GRPR: variants seen among roughly 807,000 people sequenced by gnomAD.
GRPR encodes gastrin-releasing peptide receptor.
Under a neutral mutation model 15.6 loss-of-function variants are expected in GRPR, and 4 were observed. The observed-to-expected ratio is 0.26, with a 90% CI of 0.13 to 0.59. The LOEUF is 0.59. Among genes scored for constraint, GRPR ranks in the 20% least tolerant of loss-of-function variants. The pLI is 0.90. For missense variants in GRPR, 270 were observed against 304.1 expected, an observed-to-expected ratio of 0.89 and a Z score of 0.83; for synonymous variants, 128 against 126.8, an observed-to-expected ratio of 1.01 and a Z score of -0.06.
rs1922720311 is a variant in GRPR at position 16,152,267 on chromosome X, G to C, written c.777G>C (p.Arg259=). 4 of 1,207,605 alleles carry C rather than the reference G, an allele frequency of 3.3e-6. No homozygotes were observed. Among genetic ancestry groups the C allele is most frequent in the Non-Finnish European group, 4.5e-6 (4 of 892,230 alleles). The change falls in exon 3 of 3, where the codon CGG becomes CGC. Residue 259 remains arginine, a synonymous_variant. Coordinates refer to ENST00000380289, the MANE Select transcript of GRPR (RefSeq NM_005314.3). ...GATTCTCTCCTTAGATTGAATCCCG[G>C]AAGCGACTTGCCAAGACAGTGCTGG... ...NIHVKKQIES[R]KRLAKTVLVF... is the part of the protein sequence containing the mutation.
intron 1 of GRPR, among the ~76,000 whole-genome samples, chrX:16,145,517 G>A (rs780635756): frequency 4.5e-5 from 5 of 111,954 alleles, no homozygotes; most frequent in Non-Finnish European, 5.7e-5. Flanking sequence ...GGGATAGGCG[G>A]GAGGCAGTGG....
At chrX:16,126,668 A>G (rs1247717714) in intron 1 of GRPR, among the ~76,000 whole-genome samples, 1 of 112,226 alleles carries the variant, frequency 8.9e-6, no homozygotes, top group African/African-American at 3.2e-5. Flanking sequence ...CCAGTTCTTT[A>G]ATCTCATATA....
rs548807271 is a variant in GRPR at position 16,127,339 on chromosome X, G to A, written c.413+2973G>A. ...TAGAAAAGTTTACACTGGCATCACCGGGTAAAAGGGAGACTTCAAGGCAGT... is the reference window on the plus strand; with the variant it reads ...TAGAAAAGTTTACACTGGCATCACCAGGTAAAAGGGAGACTTCAAGGCAGT... On this transcript the variant is annotated intron_variant, in intron 1 of 2. Coordinates refer to ENST00000380289, the MANE Select transcript of GRPR (RefSeq NM_005314.3). 1.3e-4 allele frequency among the ~76,000 whole-genome samples: 14 copies of A among 111,762 alleles called. No homozygotes were observed. In the South Asian group the frequency reaches 1.5e-3, roughly 12 times the overall value.
intron 2 of GRPR, among the ~76,000 whole-genome samples, chrX:16,150,962 T>G (rs1922689484): frequency 1.8e-5 from 2 of 112,254 alleles, no homozygotes; most frequent in South Asian, 7.4e-4. Flanking sequence ...GCTTTGAAGC[T>G]CATGGGGATG....
intron 1 of GRPR, among the ~76,000 whole-genome samples, chrX:16,135,440 G>A (rs1389193325): frequency 8.9e-6 from 1 of 111,867 alleles, no homozygotes; most frequent in African/African-American, 3.3e-5. Flanking sequence ...AGTGGTGATA[G>A]CTAAAGATTA....
chrX:16,128,912 C>G (rs1176845921), intron 1 of GRPR, among the ~76,000 whole-genome samples: 1 of 112,100 alleles, frequency 8.9e-6, no homozygotes, highest in Non-Finnish European at 1.9e-5. Flanking sequence ...GAATTGGACC[C>G]TCAACAGAAA....
chrX:16,141,888 G>A (rs1922535481), intron 1 of GRPR, among the ~76,000 whole-genome samples: 2 of 112,159 alleles, frequency 1.8e-5, no homozygotes, highest in African/African-American at 6.5e-5. Context: ...CTATCTAGAA[G>A]GCTCAAATAG....
chrX:16,149,677 CCTT>C (rs1922663137), intron 1 of GRPR, among the ~76,000 whole-genome samples: 1 of 105,341 alleles, frequency 9.5e-6, no homozygotes, highest in Non-Finnish European at 1.9e-5. Flanking sequence ...AAGCCAACCT[CCTT>C]GTCTCTGTGT....
intron 1 of GRPR, among the ~76,000 whole-genome samples, chrX:16,134,193 T>A (rs185751975): frequency 7.9e-4 from 88 of 111,873 alleles, no homozygotes; most frequent in Middle Eastern, 4.6e-3. Flanking sequence ...TGCCATCTTT[T>A]TTTCCTCACT....
At chrX:16,124,472 C>A in intron 1 of GRPR, 106 bp downstream of exon 1, 1 of 734,766 alleles carries the variant, frequency 1.4e-6, no homozygotes, top group Non-Finnish European at 2.1e-6. Flanking sequence ...AAGTTTTACT[C>A]AAACACGGAT....
intron 1 of GRPR, among the ~76,000 whole-genome samples, chrX:16,128,045 G>A (rs1282011423): frequency 8.9e-6 from 1 of 111,983 alleles, no homozygotes; most frequent in Admixed American, 9.4e-5. Flanking sequence ...GAATGTTGAA[G>A]GCAGAGATTT....
chrX:16,152,110 A>C, intron 2 of GRPR, 146 bp from the exon 3 acceptor site: 1 of 535,943 alleles, frequency 1.9e-6, no homozygotes, highest in African/African-American at 2.3e-5. Context: ...TCTCCTATTG[A>C]ACTCTTTTTC....
In GRPR at chrX:16,149,702, C is replaced by G. The variant is rs775611859; in HGVS notation, c.414-603C>G. On this transcript the variant is annotated intron_variant, in intron 1 of 2. Coordinates refer to ENST00000380289, the MANE Select transcript of GRPR (RefSeq NM_005314.3). Reference sequence around the variant, plus strand: ...CCTTGTCTCTGTGTCCTTTAACTAGCAACATGCCTTGTTATTAATTTCTAT... The same window carrying G: ...CCTTGTCTCTGTGTCCTTTAACTAGGAACATGCCTTGTTATTAATTTCTAT... Among the ~76,000 whole-genome samples, 47 of 102,408 alleles carry G rather than the reference C, an allele frequency of 4.6e-4. 1 individual carries two copies. The highest frequency in any genetic ancestry group is 1.6e-3 in the African/African-American group (45 of 27,507). The allele number at this position is 102,408 out of a possible 115,157, so 88.9% of individuals were successfully genotyped here.
In GRPR at chrX:16,153,362, T is replaced by A. The variant is rs778864899; in HGVS notation, c.*717T>A. 8.9e-6 allele frequency: 1 copy of A among 112,226 alleles called. No homozygotes were observed. The highest frequency in any genetic ancestry group is 3.2e-5 in the African/African-American group (1 of 30,924). The allele number at this position is 112,226 out of a possible 1,213,427, so 9.2% of individuals were successfully genotyped here. On this transcript the variant is annotated 3_prime_UTR_variant, in exon 3 of 3. Transcript: ENST00000380289. The stretch of plus-strand genomic sequence containing the variant: ...ACGTATATAAAGATCCACGCGTGGC[T>A]GTGCGTGATATCTCACACTCTGAAT...
Position 16,124,013 on chromosome X carries a change from C to T in GRPR, c.60C>T (p.Asn20=). The T allele has an allele frequency of 7.5e-6, 9 of 1,203,998 alleles. No homozygotes were observed. The highest frequency in any genetic ancestry group is 1.0e-5 in the Non-Finnish European group (9 of 888,677). Residue 20 remains asparagine (N), a synonymous_variant, in exon 1 of 3, where the codon AAC becomes AAT. Transcript: ENST00000380289. ...NLEVDHFMHC[N]ISSHSADLPV... Reference sequence around the variant, plus strand: ...AGGTGGACCATTTCATGCACTGCAACATCTCCAGTCACAGTGCGGATCTCC... The same window carrying T: ...AGGTGGACCATTTCATGCACTGCAATATCTCCAGTCACAGTGCGGATCTCC...
At chrX:16,143,883 G>C (rs1250581243) in intron 1 of GRPR, among the ~76,000 whole-genome samples, 5 of 111,742 alleles carry the variant, frequency 4.5e-5, no homozygotes, top group Non-Finnish European at 7.5e-5. Flanking sequence ...ATCCCCACGA[G>C]CTCCTTGTCG....
At chrX:16,150,255 A>G (rs770955336) in intron 1 of GRPR, 50 bp from the exon 2 acceptor site, 1 of 869,107 alleles carries the variant, frequency 1.2e-6, no homozygotes, top group South Asian at 2.0e-5. Flanking sequence ...TGGCCCTGGT[A>G]TTCAGAATAA....
At chrX:16,146,424 T>C (rs903896551) in intron 1 of GRPR, among the ~76,000 whole-genome samples, 1 of 111,812 alleles carries the variant, frequency 8.9e-6, no homozygotes, top group African/African-American at 3.3e-5. Flanking sequence ...GCTTCATTTT[T>C]TTTTCTCTCA....
At chrX:16,130,230 T>C (rs1922358181) in intron 1 of GRPR, among the ~76,000 whole-genome samples, 2 of 112,098 alleles carry the variant, frequency 1.8e-5, no homozygotes, top group South Asian at 7.4e-4. Context: ...TCTTCTACAG[T>C]AGCCAGGCCC....
Sources: allele counts gnomAD v4.1 joint callset (sites outside exome capture counted in the v4.1 genomes callset), GRCh38; gene constraint gnomAD v4.1.1; transcripts MANE v1.5; gene names NCBI Gene and HGNC (gene_info 2026-07-23, HGNC 2026-07-21).